The following RSU1 variants were observed in gnomAD, a reference collection of about 807,000 sequenced individuals.
RSU1 encodes rsu-1.
Under a neutral mutation model 31.1 loss-of-function variants are expected in RSU1, and 26 were observed. That is an observed-to-expected ratio of 0.84 (90% confidence interval 0.61 to 1.16). RSU1 has a LOEUF of 1.16. RSU1 is among the 50% of genes most tolerant of loss of function. RSU1 has a pLI of 0.00. For missense variants in RSU1, 320 were observed against 339.1 expected (o/e 0.94, Z 0.44); for synonymous variants, 164 against 136.3 (o/e 1.20, Z -1.41).
chr10:16,808,334 A>C (rs1327647901), intron 2 of RSU1, among the ~76,000 whole-genome samples: 1 of 151,960 alleles, frequency 6.6e-6, no homozygotes, highest in East Asian at 1.9e-4. Flanking sequence ...AATTAAAAAA[A>C]TTCGCCAGGC....
At chr10:16,649,499 T>C (rs1834640572) in intron 8 of RSU1, among the ~76,000 whole-genome samples, 1 of 152,190 alleles carries the variant, frequency 6.6e-6, no homozygotes, top group Non-Finnish European at 1.5e-5. Flanking sequence ...ATAAAAATTG[T>C]AACTTTGCAA....
intron 8 of RSU1, among the ~76,000 whole-genome samples, chr10:16,666,640 C>T (rs1019138691): frequency 3.9e-5 from 6 of 151,940 alleles, no homozygotes; most frequent in South Asian, 2.1e-4. Context: ...GACCTAACTG[C>T]CCCTGGGAAA....
chr10:16,748,559 G>A (rs556146511), intron 7 of RSU1, among the ~76,000 whole-genome samples: 2 of 152,316 alleles, frequency 1.3e-5, no homozygotes, highest in Admixed American at 6.5e-5. Context: ...AGCATCTATA[G>A]GAGTGCCCAT....
chr10:16,702,730 C>A (rs1318738641), intron 7 of RSU1, among the ~76,000 whole-genome samples: 2 of 152,122 alleles, frequency 1.3e-5, no homozygotes, highest in Non-Finnish European at 1.5e-5. Context: ...AAGGGACCAG[C>A]CTTGTCTGAG....
intron 8 of RSU1, among the ~76,000 whole-genome samples, chr10:16,616,734 T>A (rs1453214848): frequency 2.0e-5 from 3 of 152,170 alleles, no homozygotes; most frequent in Admixed American, 6.6e-5. Flanking sequence ...ATAAAAGTAA[T>A]CCATCACATT....
chr10:16,652,907 A>T (rs1834712502), intron 8 of RSU1, among the ~76,000 whole-genome samples: 1 of 151,848 alleles, frequency 6.6e-6, no homozygotes, highest in African/African-American at 2.4e-5. Context: ...TGAAACTCTT[A>T]GGCTCAAGTG....
chr10:16,668,382 C>T (rs528297026), intron 8 of RSU1, among the ~76,000 whole-genome samples: 1 of 152,206 alleles, frequency 6.6e-6, no homozygotes, highest in South Asian at 2.1e-4. Flanking sequence ...ATAGAAGACA[C>T]GTTTCAGGCA....
intron 8 of RSU1, among the ~76,000 whole-genome samples, chr10:16,662,021 A>G (rs1256700901): frequency 6.6e-6 from 1 of 152,204 alleles, no homozygotes; most frequent in Non-Finnish European, 1.5e-5. Context: ...TTCTATATGT[A>G]TATTTTGCCC....
chr10:16,602,452 A>C (rs1476599735), intron 8 of RSU1, among the ~76,000 whole-genome samples: 4 of 152,358 alleles, frequency 2.6e-5, no homozygotes, highest in Admixed American at 1.3e-4. Context: ...CAATGACTCC[A>C]AAGTTCAAAC....
intron 7 of RSU1, among the ~76,000 whole-genome samples, chr10:16,710,585 GTTC>G (rs748974949): frequency 7.3e-6 from 1 of 136,384 alleles, no homozygotes; most frequent in Non-Finnish European, 1.6e-5. Context: ...ACTGTTATTA[GTTC>G]TTCTTCAAAT....
At chr10:16,682,566 ACACACATG>A (rs1315433490) in intron 8 of RSU1, among the ~76,000 whole-genome samples, 46 of 148,320 alleles carry the variant, frequency 3.1e-4, no homozygotes, top group African/African-American at 7.0e-4. Context: ...ACACACACAC[ACACACATG>A]CATGCATGTT....
intron 8 of RSU1, among the ~76,000 whole-genome samples, chr10:16,652,239 CG>C (rs1435620122): frequency 2.6e-5 from 4 of 151,794 alleles, no homozygotes; most frequent in African/African-American, 9.7e-5. Flanking sequence ...CAAAACAAAA[CG>C]AAAAACTGGA....
intron 7 of RSU1, among the ~76,000 whole-genome samples, chr10:16,705,301 G>A (rs1002107217): frequency 3.9e-5 from 6 of 151,944 alleles, no homozygotes; most frequent in Non-Finnish European, 7.4e-5. Flanking sequence ...AAAAATCCAC[G>A]GATGCTCAAG....
chr10:16,779,402 A>G (rs566254018), intron 3 of RSU1, among the ~76,000 whole-genome samples: 2 of 152,274 alleles, frequency 1.3e-5, no homozygotes, highest in East Asian at 3.9e-4. Flanking sequence ...CAAGGCCAAA[A>G]CCACTGGCAA....
At chr10:16,759,523 A>T (rs966724767) in intron 4 of RSU1, among the ~76,000 whole-genome samples, 2 of 152,146 alleles carry the variant, frequency 1.3e-5, no homozygotes, top group African/African-American at 2.4e-5. Flanking sequence ...TATATAAATA[A>T]ATAATCCAAA....
At chr10:16,728,153 T>C (rs1836434895) in intron 7 of RSU1, among the ~76,000 whole-genome samples, 1 of 152,182 alleles carries the variant, frequency 6.6e-6, no homozygotes, top group South Asian at 2.1e-4. Flanking sequence ...ACATCTTTGG[T>C]TGATTACTTG....
chr10:16,727,284 C>T (rs1020416055), intron 7 of RSU1: 1 of 341,122 alleles, frequency 2.9e-6, no homozygotes, highest in African/African-American at 2.1e-5. Flanking sequence ...GGCAAATGGA[C>T]ACAAATCCTC....
chr10:16,778,629 C>T (rs953103265), intron 3 of RSU1, among the ~76,000 whole-genome samples: 2 of 152,068 alleles, frequency 1.3e-5, no homozygotes, highest in African/African-American at 4.8e-5. Context: ...GGAGGAAAGG[C>T]TTCAGATGGG....
At chr10:16,597,058 A>G (rs1177714520) in intron 8 of RSU1, among the ~76,000 whole-genome samples, 1 of 152,196 alleles carries the variant, frequency 6.6e-6, no homozygotes, top group African/African-American at 2.4e-5. Flanking sequence ...AGATGACTCC[A>G]CTGTTCATGC....
Sources: gnomAD v4.1 joint callset for allele counts (sites outside exome capture counted in the v4.1 genomes callset) on GRCh38, gnomAD v4.1.1 for gene constraint, MANE v1.5 for transcripts, NCBI Gene and HGNC (gene_info 2026-07-23, HGNC 2026-07-21) for gene names.